The following LARGE1 variants were observed in gnomAD, a reference collection of about 807,000 sequenced individuals.
LARGE1 encodes the protein LARGE xylosyl- and glucuronyltransferase 1, also known as xylosyl- and glucuronyltransferase LARGE1.
Under a neutral mutation model 87.6 loss-of-function variants are expected in LARGE1, and 43 were observed. The ratio of observed to expected loss-of-function variants is 0.49; its 90% CI spans 0.38 to 0.63. LARGE1 has a LOEUF of 0.63. LARGE1 is among the 30% of genes least tolerant of loss of function. LARGE1 has a pLI of 0.00. For missense variants in LARGE1, 802 were observed against 1,000.2 expected, an observed-to-expected ratio of 0.80 and a Z score of 2.67; for synonymous variants, 434 against 394.6, an observed-to-expected ratio of 1.10 and a Z score of -1.18.
chr22:33,346,299 TTC>T (rs1369117399), intron 9 of LARGE1, among the ~76,000 whole-genome samples: 1 of 147,694 alleles, frequency 6.8e-6, no homozygotes, highest in Non-Finnish European at 1.5e-5. Context: ...CTCCTCCTTC[TTC>T]TTTTTCTTTT....
intron 6 of LARGE1, among the ~76,000 whole-genome samples, chr22:33,549,752 A>G (rs572949062): frequency 6.6e-6 from 1 of 152,318 alleles, no homozygotes; most frequent in South Asian, 2.1e-4. Context: ...TGAGTTATGA[A>G]CTGAAAAAGA....
chr22:33,780,783 A>C (rs141640997), intron 1 of LARGE1, among the ~76,000 whole-genome samples: 2 of 152,324 alleles, frequency 1.3e-5, no homozygotes, highest in African/African-American at 4.8e-5. Flanking sequence ...GCAGCTAAGA[A>C]CTTTTAGCTA....
At chr22:33,070,738 C>G in the LARGE1 span, among the ~76,000 whole-genome samples, 1 of 152,112 alleles carries the variant, frequency 6.6e-6, no homozygotes. Context: ...GAGGTGGTGT[C>G]TGAGGGGAAT....
At chr22:33,370,353 T>C (rs1601610888) in intron 9 of LARGE1, among the ~76,000 whole-genome samples, 1 of 152,302 alleles carries the variant, frequency 6.6e-6, no homozygotes, top group East Asian at 1.9e-4. Context: ...GGAGATTTTG[T>C]TTTTCTTATA....
downstream of LARGE1, among the ~76,000 whole-genome samples, chr22:33,160,968 T>C (rs534839162): frequency 6.6e-6 from 1 of 152,370 alleles, no homozygotes; most frequent in Admixed American, 6.5e-5. Context: ...TTTTCCTCTG[T>C]ATTAGTCCAT....
intron 1 of LARGE1, among the ~76,000 whole-genome samples, chr22:33,832,846 A>G (rs2063010626): frequency 6.6e-6 from 1 of 152,256 alleles, no homozygotes. Flanking sequence ...TATGTCCAGT[A>G]TACAGTAAGC....
intron 1 of LARGE1, among the ~76,000 whole-genome samples, chr22:33,820,015 T>C (rs989076571): frequency 5.3e-5 from 8 of 152,152 alleles, no homozygotes; most frequent in African/African-American, 1.7e-4. Context: ...CCAGGGTGTT[T>C]CCTTAGGCCA....
the LARGE1 span, among the ~76,000 whole-genome samples, chr22:33,116,457 C>T: frequency 6.6e-6 from 1 of 152,106 alleles, no homozygotes; most frequent in Non-Finnish European, 1.5e-5. Context: ...CGGGTTCACG[C>T]CATTCTCCTG....
At chr22:33,162,193 C>G (rs1922051696), downstream of LARGE1, 1 of 152,128 alleles carries the variant, frequency 6.6e-6, no homozygotes, top group African/African-American at 2.4e-5. Flanking sequence ...AGTCCATTCT[C>G]ACACTGCTAT....
chr22:33,390,644 C>T (rs994768607), intron 7 of LARGE1, among the ~76,000 whole-genome samples: 1 of 151,268 alleles, frequency 6.6e-6, no homozygotes, highest in African/African-American at 2.4e-5. Flanking sequence ...GCAAGCTGCT[C>T]TTGGCATGCC....
At chr22:33,728,317 T>C (rs1347861522) in intron 2 of LARGE1, among the ~76,000 whole-genome samples, 1 of 151,988 alleles carries the variant, frequency 6.6e-6, no homozygotes, top group Non-Finnish European at 1.5e-5. Context: ...GGCAGGCAGA[T>C]CACTTGAGGT....
chr22:33,367,488 G>C (rs562320095), intron 9 of LARGE1, among the ~76,000 whole-genome samples: 1 of 152,242 alleles, frequency 6.6e-6, no homozygotes, highest in Non-Finnish European at 1.5e-5. Context: ...TGCAATCACA[G>C]TTTACTGCAG....
intron 6 of LARGE1, among the ~76,000 whole-genome samples, chr22:33,446,671 C>T (rs1417694426): frequency 2.6e-5 from 4 of 152,122 alleles, no homozygotes. Context: ...GAGGCTGAAG[C>T]CAGGAGGGCT....
At chr22:33,513,581 C>T (rs1270846912) in intron 6 of LARGE1, among the ~76,000 whole-genome samples, 4 of 152,242 alleles carry the variant, frequency 2.6e-5, no homozygotes, top group African/African-American at 9.6e-5. Context: ...CGAGATGCAA[C>T]TCTCTTCAAT....
At position 33,831,872 on chromosome 22, in the gene LARGE1, C is replaced by T. The variant is rs940748472; in HGVS notation, c.-82-70314G>A. On this transcript the variant is annotated intron_variant, in intron 1 of 14. Transcript: ENST00000397394. ...AAAGCCCCTCCCAGCCTGGCCCAGG[C>T]GTAATCCCGAGGCAACCACTCCACC... Among the ~76,000 whole-genome samples the T allele has an allele frequency of 4.6e-5, 7 of 152,250 alleles. No individual in the cohort carries two copies. The South Asian group carries it at 1.0e-3, about 23-fold the overall frequency.
intron 5 of LARGE1, among the ~76,000 whole-genome samples, chr22:33,595,529 T>C (rs780044540): frequency 3.9e-5 from 6 of 152,286 alleles, no homozygotes; most frequent in Admixed American, 1.3e-4. Flanking sequence ...AAGGCATTTA[T>C]TCCACAAGCA....
the LARGE1 span, among the ~76,000 whole-genome samples, chr22:33,115,990 C>A: frequency 6.6e-6 from 1 of 152,142 alleles, no homozygotes; most frequent in Non-Finnish European, 1.5e-5. Context: ...AGCGAACAAA[C>A]TTCTGTTGTT....
At chr22:33,545,641 G>A (rs904168763) in intron 6 of LARGE1, among the ~76,000 whole-genome samples, 2 of 152,186 alleles carry the variant, frequency 1.3e-5, no homozygotes, top group African/African-American at 4.8e-5. Context: ...GTTTTGCCAT[G>A]TTGGCCAGGC....
At chr22:33,428,097 T>C (rs2066941704) in intron 7 of LARGE1, among the ~76,000 whole-genome samples, 1 of 152,194 alleles carries the variant, frequency 6.6e-6, no homozygotes. Context: ...TCGTTCTTTC[T>C]GACCAAAGGG....
Sources: allele counts gnomAD v4.1 joint callset (sites outside exome capture counted in the v4.1 genomes callset), GRCh38; gene constraint gnomAD v4.1.1; transcripts MANE v1.5; gene names NCBI Gene and HGNC (gene_info 2026-07-23, HGNC 2026-07-21).